The following AKAP8 variants were observed in gnomAD, a reference collection of about 807,000 sequenced individuals.
The protein encoded by AKAP8 is A-kinase anchor protein 8.
A neutral mutation model predicts 67.5 loss-of-function variants in AKAP8; 24 were observed. The observed-to-expected ratio is 0.36, with a 90% CI of 0.26 to 0.50. The LOEUF is 0.50. AKAP8 is among the 20% of genes least tolerant of loss of function. The pLI, the probability that AKAP8 is intolerant of heterozygous loss-of-function variation, is 0.97. For synonymous variants in AKAP8, 400 were observed against 371.1 expected (o/e 1.08, Z -0.90); for missense variants, 971 against 955.9 (o/e 1.02, Z -0.21).
intron 9 of AKAP8, 122 bp from the exon 10 acceptor site, chr19:15,362,373 C>CTCCCTCTCCCCACGG (rs1555754122): frequency 4.6e-6 from 4 of 868,172 alleles, no homozygotes; most frequent in Admixed American, 2.6e-5. Flanking sequence ...CCCCCTCCCC[C>CTCCCTCTCCCCACGG]TCTCCCTCTC....
chr19:15,376,330 C>G (rs1297206215), intron 2 of AKAP8, among the ~76,000 whole-genome samples: 1 of 152,106 alleles, frequency 6.6e-6, no homozygotes, highest in African/African-American at 2.4e-5. Flanking sequence ...GCTTGGCCAA[C>G]ATGGTAAAAC....
chr19:15,377,635 AT>A (rs1444983215), intron 1 of AKAP8, among the ~76,000 whole-genome samples: 2 of 151,990 alleles, frequency 1.3e-5, no homozygotes, highest in Non-Finnish European at 2.9e-5. Context: ...CGCCCGCCTA[AT>A]TTTTTGTGTT....
chr19:15,361,670 G>A, intron 11 of AKAP8, 59 bp downstream of exon 11: 3 of 1,487,028 alleles, frequency 2.0e-6, no homozygotes, highest in East Asian at 2.3e-5. Flanking sequence ...CGTTTTACGG[G>A]TCCTGTCACA....
intron 8 of AKAP8, chr19:15,368,788 T>C (rs758957985): frequency 1.2e-4 from 118 of 985,326 alleles, no homozygotes; most frequent in Non-Finnish European, 1.4e-4. Context: ...ACGAGCGTCC[T>C]GGCGGCCCCG....
intron 9 of AKAP8, among the ~76,000 whole-genome samples, chr19:15,366,474 T>C (rs1410959429): frequency 6.6e-6 from 1 of 152,120 alleles, no homozygotes; most frequent in Admixed American, 6.5e-5. Context: ...TTGCTAAGCA[T>C]TTCTCTCTTT....
In AKAP8 at chr19:15,354,941, ACT is replaced by A. The variant is rs1367770973; in HGVS notation, c.2051_2052del (p.Glu684ValfsTer2). The A allele has an allele frequency of 5.0e-6, 8 of 1,613,968 alleles. No individual in the cohort carries two copies. The highest frequency in any genetic ancestry group is 3.3e-5 in the South Asian group (3 of 91,088). On this transcript the variant is annotated frameshift_variant, in exon 14 of 14. Transcript: ENST00000269701. LOFTEE classifies it high-confidence loss of function. The part of the protein sequence containing the change: ...ADAEVEQTDA[E>X]SKDAVPTE The stretch of plus-strand genomic sequence containing the variant: ...CATTCTGTGGGAACAGCGTCTTTAG[ACT>A]CTGCATCAGTTTGTTCCACTTCAGC...
chr19:15,374,745 C>T (rs72994064), intron 2 of AKAP8, 110 bp from the exon 3 acceptor site: 138,508 of 1,290,300 alleles, frequency 0.11, 8,441 homozygotes, highest in Middle Eastern at 0.13. Context: ...GGCTTCCCTC[C>T]GCAGCGCTCA....
At chr19:15,374,747 C>T (rs1967223748) in intron 2 of AKAP8, 112 bp from the exon 3 acceptor site, 2 of 1,268,248 alleles carry the variant, frequency 1.6e-6, no homozygotes, top group African/African-American at 1.5e-5. Context: ...CTTCCCTCCG[C>T]AGCGCTCAGG....
intron 9 of AKAP8, among the ~76,000 whole-genome samples, chr19:15,363,580 A>AGGGGCGCCTCTGCC (rs1967016954): frequency 1.3e-5 from 2 of 149,520 alleles, no homozygotes; most frequent in Admixed American, 1.3e-4. Context: ...CCAGGAGGTG[A>AGGGGCGCCTCTGCC]GGGGCGCCTC....
intron 12 of AKAP8, among the ~76,000 whole-genome samples, chr19:15,360,471 A>G (rs1966946935): frequency 6.6e-6 from 1 of 152,192 alleles, no homozygotes; most frequent in Admixed American, 6.5e-5. Context: ...CCTGGGCTCA[A>G]CATTTAGCCT....
chr19:15,366,478 T>C (rs1031438745), intron 9 of AKAP8, among the ~76,000 whole-genome samples: 2 of 151,880 alleles, frequency 1.3e-5, no homozygotes, highest in African/African-American at 4.8e-5. Context: ...TAAGCATTTC[T>C]CTCTTTTTTT....
intron 2 of AKAP8, among the ~76,000 whole-genome samples, chr19:15,376,697 GTATT>G (rs1360329437): frequency 1.3e-5 from 2 of 152,160 alleles, no homozygotes; most frequent in Non-Finnish European, 2.9e-5. Context: ...CCAAAATAGA[GTATT>G]CACTAACACG....
chr19:15,361,756 C>A lies in AKAP8; in HGVS notation c.1369G>T (p.Ala457Ser). ...RRQELMEKET[A>S]KPKPDPFKGI... ...TTGAAAGGATCTGGTTTTGGTTTTG[C>A]GGTTTCTTTCTCCATCAATTCCTGA... The change falls in exon 11 of 14, where the codon GCA (alanine) becomes TCA (serine). Residue 457 changes from alanine (A) to serine (S), a missense_variant. Ala to Ser is a moderately conservative substitution (Grantham distance 99). Around this residue, in one of 3 missense-constraint regions of AKAP8, gnomAD observed 763 missense variants for 745.4 expected, o/e 1.02. Coordinates refer to ENST00000269701, the MANE Select transcript of AKAP8 (RefSeq NM_005858.4). 3 of 1,613,922 alleles carry A rather than the reference C, an allele frequency of 1.9e-6. No individual in the cohort carries two copies. The East Asian group carries it at 6.7e-5, about 36-fold the overall frequency.
At chr19:15,374,139 G>C (rs568454382) in intron 3 of AKAP8, 74 bp from the exon 4 acceptor site, 1 of 1,489,290 alleles carries the variant, frequency 6.7e-7, no homozygotes, top group Admixed American at 2.3e-5. Flanking sequence ...AACCGGGGAG[G>C]GGCACCCGCT....
intron 13 of AKAP8, among the ~76,000 whole-genome samples, chr19:15,356,465 C>T (rs1030395835): frequency 7.9e-5 from 12 of 151,412 alleles, no homozygotes; most frequent in African/African-American, 2.2e-4. Flanking sequence ...GTTAACACTA[C>T]GTAATATTTT....
chr19:15,356,392 G>A (rs1010780481), intron 13 of AKAP8, among the ~76,000 whole-genome samples: 3 of 149,596 alleles, frequency 2.0e-5, no homozygotes, highest in Non-Finnish European at 4.4e-5. Flanking sequence ...CAGCCTGGGC[G>A]ACAGAGTCAG....
At chr19:15,363,978 C>G (rs962630523) in intron 9 of AKAP8, among the ~76,000 whole-genome samples, 1 of 151,538 alleles carries the variant, frequency 6.6e-6, no homozygotes, top group African/African-American at 2.4e-5. Flanking sequence ...GAGTCGTCAC[C>G]ACTCCCTAAT....
At chr19:15,374,307 C>T (rs1478966031) in intron 3 of AKAP8, among the ~76,000 whole-genome samples, 3 of 152,194 alleles carry the variant, frequency 2.0e-5, no homozygotes, top group Non-Finnish European at 2.9e-5. Context: ...ACCTGTTCCC[C>T]ATTCAAAGCC....
At chr19:15,361,358 T>A (rs1452995147) in intron 11 of AKAP8, 1 of 215,478 alleles carries the variant, frequency 4.6e-6, no homozygotes, top group Non-Finnish European at 9.3e-6. Flanking sequence ...ACTTTTTTTT[T>A]TTTTTTTTTT....
Sources: gnomAD v4.1 joint callset for allele counts (sites outside exome capture counted in the v4.1 genomes callset) on GRCh38, gnomAD v4.1.1 for gene constraint, gnomAD v4.1.1 regional missense constraint, MANE v1.5 for transcripts, NCBI Gene and HGNC (gene_info 2026-07-23, HGNC 2026-07-21) for gene names.